Variants in MPPED2 observed in about 807,000 individuals in gnomAD.
MPPED2 encodes the protein metallophosphoesterase MPPED2.
A neutral mutation model predicts 33.0 loss-of-function variants in MPPED2; 5 were observed. The observed-to-expected ratio is 0.15, with a 90% CI of 0.08 to 0.32. MPPED2 has a LOEUF of 0.32. MPPED2 is among the 10% of genes least tolerant of loss of function. The pLI, the probability that MPPED2 is intolerant of heterozygous loss-of-function variation, is 1.00. For synonymous variants in MPPED2, 136 were observed against 141.9 expected, an observed-to-expected ratio of 0.96 and a Z score of 0.29; for missense variants, 275 against 372.1, an observed-to-expected ratio of 0.74 and a Z score of 2.15.
At chr11:30,387,663 G>A (rs1180660189) in exon 7 of MPPED2, 2 of 152,202 alleles carry the variant, frequency 1.3e-5, no homozygotes, top group East Asian at 3.9e-4. Flanking sequence ...AGCTTGGTAA[G>A]CATGCCAGCT....
intron 5 of MPPED2, among the ~76,000 whole-genome samples, 200 bp downstream of exon 5, chr11:30,417,317 TA>T (rs1948411768): frequency 6.6e-6 from 1 of 152,184 alleles, no homozygotes; most frequent in Non-Finnish European, 1.5e-5. Context: ...TCAAAAAATT[TA>T]ATTTCAAGAA....
At chr11:30,407,419 A>C (rs954899185), downstream of MPPED2, among the ~76,000 whole-genome samples, 6 of 152,192 alleles carry the variant, frequency 3.9e-5, no homozygotes, top group African/African-American at 1.4e-4. Context: ...TGATAGCCAA[A>C]CTGGGAAGTT....
chr11:30,585,981 G>C (rs1327898640), intron 1 of MPPED2, 61 bp downstream of exon 1: 2 of 152,422 alleles, frequency 1.3e-5, no homozygotes, highest in Non-Finnish European at 2.9e-5. Context: ...GCTCGGCACC[G>C]GGCTCCCGGC....
chr11:30,521,863 T>C (rs759594729), intron 3 of MPPED2, among the ~76,000 whole-genome samples: 35 of 152,330 alleles, frequency 2.3e-4, no homozygotes, highest in Admixed American at 7.2e-4. Context: ...CAGAGCATGG[T>C]GACCTCTCTG....
chr11:30,497,378 C>G (rs1259076164), intron 3 of MPPED2, among the ~76,000 whole-genome samples: 1 of 152,176 alleles, frequency 6.6e-6, no homozygotes, highest in Non-Finnish European at 1.5e-5. Flanking sequence ...GCTCCCCGCC[C>G]CAATTCACCT....
At chr11:30,414,425 A>G in intron 5 of MPPED2, 84 bp from the exon 6 acceptor site, 2 of 876,606 alleles carry the variant, frequency 2.3e-6, no homozygotes, top group Non-Finnish European at 3.9e-6. Flanking sequence ...CATAACTCAC[A>G]GAAGGTTTAT....
At chr11:30,464,387 C>G (rs1385760620) in intron 4 of MPPED2, among the ~76,000 whole-genome samples, 1 of 152,022 alleles carries the variant, frequency 6.6e-6, no homozygotes, top group East Asian at 1.9e-4. Context: ...AGGGATCATC[C>G]TTCCCAAGAA....
intron 2 of MPPED2, among the ~76,000 whole-genome samples, chr11:30,547,096 A>G (rs509240): frequency 0.38 from 58,393 of 152,016 alleles, 11,983 homozygotes; most frequent in African/African-American, 0.54. Flanking sequence ...AGTTGTAGAC[A>G]TGATGGGTTG....
intron 3 of MPPED2, among the ~76,000 whole-genome samples, chr11:30,530,838 G>A (rs1954480565): frequency 1.3e-5 from 2 of 152,188 alleles, no homozygotes. Context: ...TCTCAAAGAA[G>A]CACAGGTGGA....
chr11:30,473,169 A>G (rs1009034974), intron 4 of MPPED2, among the ~76,000 whole-genome samples: 9 of 152,024 alleles, frequency 5.9e-5, no homozygotes, highest in Non-Finnish European at 1.2e-4. Flanking sequence ...GGTTTTGGAC[A>G]TTTTTTGGCT....
At chr11:30,542,830 A>G (rs1253492085) in intron 2 of MPPED2, among the ~76,000 whole-genome samples, 1 of 152,186 alleles carries the variant, frequency 6.6e-6, no homozygotes, top group Non-Finnish European at 1.5e-5. Flanking sequence ...CTAACTTTCA[A>G]TTCACTTATC....
At chr11:30,556,273 T>G (rs181813694) in intron 2 of MPPED2, among the ~76,000 whole-genome samples, 366 of 152,308 alleles carry the variant, frequency 2.4e-3, no homozygotes, top group Non-Finnish European at 4.0e-3. Flanking sequence ...AATGGAGGCC[T>G]ACACCATTTG....
At chr11:30,458,273 C>T (rs542824960) in intron 4 of MPPED2, among the ~76,000 whole-genome samples, 3 of 152,270 alleles carry the variant, frequency 2.0e-5, no homozygotes, top group African/African-American at 2.4e-5. Flanking sequence ...ACACTGAGAT[C>T]AGAGAGTACA....
intron 2 of MPPED2, among the ~76,000 whole-genome samples, chr11:30,554,046 C>T (rs1955846614): frequency 1.3e-5 from 2 of 152,200 alleles, no homozygotes. Flanking sequence ...TCCTAGACTT[C>T]TTGGTTTGTC....
chr11:30,433,432 C>T (rs1361894703), intron 4 of MPPED2, among the ~76,000 whole-genome samples: 1 of 152,124 alleles, frequency 6.6e-6, no homozygotes, highest in East Asian at 1.9e-4. Context: ...TGAAACATTA[C>T]ACACAGCATC....
chr11:30,575,085 T>A (rs1159187889), intron 2 of MPPED2, among the ~76,000 whole-genome samples: 1 of 152,128 alleles, frequency 6.6e-6, no homozygotes, highest in Non-Finnish European at 1.5e-5. Flanking sequence ...TGAATAAGAA[T>A]GAAATCTCAG....
At chr11:30,405,632 GAGAAAGTTAA>G (rs1947977051), downstream of MPPED2, among the ~76,000 whole-genome samples, 1 of 152,220 alleles carries the variant, frequency 6.6e-6, no homozygotes, top group African/African-American at 2.4e-5. Flanking sequence ...TTCAGAGAGA[GAGAAAGTTAA>G]AGAACTCATT....
At chr11:30,450,026 G>C (rs901206331) in intron 4 of MPPED2, among the ~76,000 whole-genome samples, 13 of 152,256 alleles carry the variant, frequency 8.5e-5, no homozygotes, top group African/African-American at 2.6e-4. Flanking sequence ...TGGAGCCCCT[G>C]TGCATGTAAA....
intron 4 of MPPED2, among the ~76,000 whole-genome samples, chr11:30,457,252 G>A (rs1373455575): frequency 6.6e-6 from 1 of 152,056 alleles, no homozygotes; most frequent in African/African-American, 2.4e-5. Flanking sequence ...GAGGTTTCCT[G>A]CCCTGGTCTG....
Sources: allele counts gnomAD v4.1 joint callset (sites outside exome capture counted in the v4.1 genomes callset), GRCh38; gene constraint gnomAD v4.1.1; transcripts MANE v1.5; gene names NCBI Gene and HGNC (gene_info 2026-07-23, HGNC 2026-07-21).